Variants in IQGAP2 observed in about 807,000 individuals in gnomAD.
IQGAP2 encodes IQ motif containing GTPase activating protein 2.
IQGAP2 carries 173 observed loss-of-function variants against 201.3 expected under a neutral mutation model. The ratio of observed to expected loss-of-function variants is 0.86; its 90% CI spans 0.76 to 0.98. IQGAP2 has a LOEUF of 0.98. Ranked by LOEUF, IQGAP2 falls within the 50% of genes least tolerant of loss-of-function variation. The pLI is 0.00. For missense variants in IQGAP2, 1,687 were observed against 1,864.8 expected (o/e 0.90, Z 1.76); for synonymous variants, 675 against 673.9 (o/e 1.00, Z -0.03).
At position 76,698,052 on chromosome 5, in the gene IQGAP2, C is replaced by A; in HGVS notation, c.4272C>A (p.Thr1424=). The A allele has an allele frequency of 8.7e-6, 14 of 1,612,524 alleles. No homozygotes were observed. The highest frequency in any genetic ancestry group is 1.2e-5 in the Non-Finnish European group (14 of 1,178,868). Reference sequence around the variant, plus strand: ...CTGAATTGGCAAAACTTCAGCAGACCCTGAATGCACTTAACAAGAAGGCAG... The same window carrying A: ...CTGAATTGGCAAAACTTCAGCAGACACTGAATGCACTTAACAAGAAGGCAG... ...RKAELAKLQQ[T]LNALNKKAAF... The change falls in exon 33 of 36, where the codon ACC becomes ACA. Residue 1424 remains threonine (T), a synonymous_variant. Coordinates refer to ENST00000274364, the MANE Select transcript of IQGAP2 (RefSeq NM_006633.5).
chr5:76,645,871 A>G (rs1751998254), intron 17 of IQGAP2, among the ~76,000 whole-genome samples: 1 of 151,838 alleles, frequency 6.6e-6, no homozygotes, highest in South Asian at 2.1e-4. Flanking sequence ...AATTTTGCCA[A>G]TGCAGGAATG....
At chr5:76,477,586 G>C (rs942320024) in intron 2 of IQGAP2, among the ~76,000 whole-genome samples, 7 of 152,142 alleles carry the variant, frequency 4.6e-5, no homozygotes, top group Non-Finnish European at 8.8e-5. Flanking sequence ...CTTCATAATG[G>C]TAATACTTAT....
chr5:76,650,524 G>A (rs1471631297), intron 17 of IQGAP2, among the ~76,000 whole-genome samples: 1 of 152,162 alleles, frequency 6.6e-6, no homozygotes. Flanking sequence ...TGTGTGGTAA[G>A]CTAAAATTTC....
intron 2 of IQGAP2, chr5:76,510,449 G>T: frequency 3.4e-6 from 1 of 293,474 alleles, no homozygotes; most frequent in South Asian, 2.9e-5. Flanking sequence ...GGCGCCTGAG[G>T]GTCCCGGGCC....
intron 2 of IQGAP2, among the ~76,000 whole-genome samples, chr5:76,488,375 T>A (rs557631922): frequency 1.5e-4 from 23 of 152,314 alleles, no homozygotes; most frequent in East Asian, 1.2e-3. Context: ...ATTCTTTTTT[T>A]AAAAAAATTA....
In IQGAP2 at chr5:76,588,889, G is replaced by A. The variant is rs767040531; in HGVS notation, c.459-17G>A. ...TGATGATAAAATTTCTGATAATTTT[G>A]TGTTTTTTTCTTTCAGTTTGTATCT... On this transcript the variant is annotated splice_polypyrimidine_tract_variant and intron_variant, in intron 5 of 35. Transcript: ENST00000274364. The A allele has an allele frequency of 2.7e-6, 4 of 1,509,128 alleles. No homozygotes were observed. Among genetic ancestry groups the A allele is most frequent in the Middle Eastern group, 1.7e-4 (1 of 5,792 alleles). 93.5% of individuals were successfully genotyped at this position (1,509,128 alleles called of 1,614,324 possible).
At chr5:76,551,834 G>A (rs1490226299) in intron 2 of IQGAP2, among the ~76,000 whole-genome samples, 1 of 147,770 alleles carries the variant, frequency 6.8e-6, no homozygotes, top group African/African-American at 2.5e-5. Flanking sequence ...GGCATCAGAG[G>A]GAGACCTTGC....
chr5:76,461,464 T>C, intron 1 of IQGAP2, 106 bp from the exon 2 acceptor site: 3 of 665,576 alleles, frequency 4.5e-6, no homozygotes, highest in East Asian at 2.8e-5. Context: ...CTCCTGTCTC[T>C]GAATGTTAAA....
chr5:76,551,541 T>C (rs544054817), intron 2 of IQGAP2, among the ~76,000 whole-genome samples: 2,513 of 151,722 alleles, frequency 0.017, 71 homozygotes, highest in African/African-American at 0.057. Context: ...CGAGATCACG[T>C]CACTGCACTC....
chr5:76,631,959 A>G lies in IQGAP2; in HGVS notation c.1713A>G (p.Ile571Met), dbSNP rs1750744185. The change falls in exon 15 of 36, where the codon ATA becomes ATG. Residue 571 changes from isoleucine (I) to methionine (M), a missense_variant. Transcript: ENST00000274364. ...LKSSTSNANDIIPECADKYYD... is the reference protein window; with the variant it reads ...LKSSTSNANDMIPECADKYYD... ...CTTCCACTTCTAATGCAAATGACAT[A>G]ATCCCGGAGTGTGCTGACAAATACT... 6.2e-7 allele frequency: 1 copy of G among 1,612,782 alleles called. No individual in the cohort carries two copies. The highest frequency in any genetic ancestry group is 1.3e-5 in the African/African-American group (1 of 74,874).
intron 1 of IQGAP2, among the ~76,000 whole-genome samples, chr5:76,433,513 C>G (rs994960419): frequency 1.3e-5 from 2 of 152,176 alleles, no homozygotes; most frequent in Admixed American, 6.5e-5. Context: ...TGCATATAAA[C>G]TCTCCCACCC....
chr5:76,695,927 G>A (rs187850080), intron 32 of IQGAP2, among the ~76,000 whole-genome samples: 11 of 130,004 alleles, frequency 8.5e-5, no homozygotes, highest in Non-Finnish European at 3.1e-5. Context: ...TGCAACTTCC[G>A]CCTCCCAGGT....
chr5:76,532,253 T>C (rs193077214), intron 2 of IQGAP2, among the ~76,000 whole-genome samples: 101 of 152,268 alleles, frequency 6.6e-4, no homozygotes, highest in Non-Finnish European at 9.3e-4. Context: ...ATGTCTATAG[T>C]CCCAGATACT....
intron 2 of IQGAP2, among the ~76,000 whole-genome samples, chr5:76,493,553 GA>G (rs1399774397): frequency 1.3e-5 from 2 of 152,124 alleles, no homozygotes; most frequent in African/African-American, 4.8e-5. Flanking sequence ...CTTCTGCCAT[GA>G]TGTGTCATTT....
At chr5:76,577,095 C>G (rs1459347217) in intron 5 of IQGAP2, among the ~76,000 whole-genome samples, 1 of 152,240 alleles carries the variant, frequency 6.6e-6, no homozygotes, top group African/African-American at 2.4e-5. Flanking sequence ...TACATGTGTG[C>G]ATCACAGTGC....
intron 31 of IQGAP2, among the ~76,000 whole-genome samples, chr5:76,694,498 T>G (rs1746548605): frequency 6.6e-6 from 1 of 152,226 alleles, no homozygotes; most frequent in Non-Finnish European, 1.5e-5. Flanking sequence ...TGTGTAACTC[T>G]GTGCACTTAG....
intron 2 of IQGAP2, among the ~76,000 whole-genome samples, chr5:76,494,009 G>C (rs141447047): frequency 1.3e-5 from 2 of 152,318 alleles, no homozygotes; most frequent in African/African-American, 4.8e-5. Context: ...ATATATGCTA[G>C]ATCATCTCTA....
At chr5:76,441,620 T>C (rs2150104745) in intron 1 of IQGAP2, 1 of 587,440 alleles carries the variant, frequency 1.7e-6, no homozygotes, top group Non-Finnish European at 2.1e-6. Context: ...TCTGGTTCTG[T>C]TCCCATTCGA....
At chr5:76,536,469 T>C in intron 2 of IQGAP2, among the ~76,000 whole-genome samples, 1 of 151,954 alleles carries the variant, frequency 6.6e-6, no homozygotes, top group East Asian at 1.9e-4. Flanking sequence ...TTTAAAGAAC[T>C]GGTAATACAG....
Sources: allele counts gnomAD v4.1 joint callset (sites outside exome capture counted in the v4.1 genomes callset), GRCh38; gene constraint gnomAD v4.1.1; transcripts MANE v1.5; gene names NCBI Gene and HGNC (gene_info 2026-07-23, HGNC 2026-07-21).